The following EPHB1 variants were observed in gnomAD, a reference collection of about 807,000 sequenced individuals.
EPHB1 encodes the protein ephrin type-B receptor 1.
Under a neutral mutation model 94.4 loss-of-function variants are expected in EPHB1, and 30 were observed. The observed-to-expected ratio is 0.32, with a 90% CI of 0.24 to 0.43. The LOEUF (loss-of-function observed/expected upper bound fraction) is 0.43. Among genes scored for constraint, EPHB1 ranks in the 20% least tolerant of loss-of-function variants. The probability of loss-of-function intolerance (pLI) is 1.00; values close to 1 mark genes in which losing one functional copy is unlikely to be tolerated. For synonymous variants in EPHB1, 522 were observed against 489.1 expected, an observed-to-expected ratio of 1.07 and a Z score of -0.89; for missense variants, 1,055 against 1,308.3, an observed-to-expected ratio of 0.81 and a Z score of 2.99.
intron 1 of EPHB1, among the ~76,000 whole-genome samples, chr3:134,818,860 A>C (rs1228054516): frequency 1.3e-5 from 2 of 152,166 alleles, no homozygotes; most frequent in Non-Finnish European, 2.9e-5. Flanking sequence ...GTTTCTTTCA[A>C]ATAATGACTT....
intron 1 of EPHB1, among the ~76,000 whole-genome samples, chr3:134,908,417 C>G (rs2107693081): frequency 6.6e-6 from 1 of 152,336 alleles, no homozygotes; most frequent in South Asian, 2.1e-4. Flanking sequence ...CCCTGTGCCC[C>G]CATATTATCC....
Position 135,052,909 on chromosome 3 carries a change from A to ATATATATATATATGTGTG in EPHB1, c.806-53538_806-53537insATATATATATATGTGTGT, listed in dbSNP as rs1217744067. On this transcript the variant is annotated intron_variant, in intron 3 of 15. Transcript: ENST00000398015. ...AAAAAAAATATATATATATATATAT[A>ATATATATATATATGTGTG]TGTGTGTGTGTGTGTGTGTGTGTAT... Among the ~76,000 whole-genome samples, 3 of 68,850 alleles carry ATATATATATATATGTGTG rather than the reference A, an allele frequency of 4.4e-5. 1 individual carries two copies. Among genetic ancestry groups the ATATATATATATATGTGTG allele is most frequent in the East Asian group, 7.4e-4 (2 of 2,702 alleles). The allele number at this position is 68,850 out of a possible 152,430, so 45.2% of individuals were successfully genotyped here. A position where few individuals can be genotyped will look rare whatever the true frequency, so the allele number is the denominator to read the frequency against.
At chr3:134,892,195 C>T (rs1472032970) in intron 1 of EPHB1, among the ~76,000 whole-genome samples, 1 of 152,236 alleles carries the variant, frequency 6.6e-6, no homozygotes, top group Non-Finnish European at 1.5e-5. Context: ...GCTTCCTCAA[C>T]ATGGCCTTGG....
chr3:134,941,752 G>GACACACACACACACACACACAC (rs3067391), intron 2 of EPHB1, among the ~76,000 whole-genome samples: 5 of 134,798 alleles, frequency 3.7e-5, no homozygotes, highest in African/African-American at 1.4e-4. Flanking sequence ...TATGCACACA[G>GACACACACACACACACACACAC]ACACACACAC....
intron 9 of EPHB1, among the ~76,000 whole-genome samples, chr3:135,172,855 C>T (rs1941844317): frequency 6.6e-6 from 1 of 152,178 alleles, no homozygotes; most frequent in African/African-American, 2.4e-5. Flanking sequence ...GGCTGTAAGC[C>T]AGAGACTCAA....
rs1179649804 is a variant in EPHB1 at position 134,901,149 on chromosome 3, A to G, written c.59-24667A>G. On this transcript the variant is annotated intron_variant, in intron 1 of 15. Transcript: ENST00000398015. Reference sequence around the variant, plus strand: ...TATGTACATATTTTCTTTCTTTAACATAACCACAATATTATTATCACATCT... The same window carrying G: ...TATGTACATATTTTCTTTCTTTAACGTAACCACAATATTATTATCACATCT... Among the ~76,000 whole-genome samples, 3 of 152,204 alleles carry G rather than the reference A, an allele frequency of 2.0e-5. No individual in the cohort carries two copies. The South Asian group carries it at 6.2e-4, about 32-fold the overall frequency.
intron 12 of EPHB1, among the ~76,000 whole-genome samples, chr3:135,215,239 C>T (rs1943120125): frequency 6.6e-6 from 1 of 152,090 alleles, no homozygotes; most frequent in South Asian, 2.1e-4. Flanking sequence ...TCTCGGCTCA[C>T]CGCAACCTCC....
intron 3 of EPHB1, among the ~76,000 whole-genome samples, chr3:135,022,969 T>C (rs1274496731): frequency 6.6e-6 from 1 of 152,228 alleles, no homozygotes; most frequent in East Asian, 1.9e-4. Context: ...AGTGTGTTGG[T>C]CAAGTAGAAA....
At chr3:134,818,609 C>T (rs2036316017) in intron 1 of EPHB1, among the ~76,000 whole-genome samples, 1 of 152,198 alleles carries the variant, frequency 6.6e-6, no homozygotes, top group African/African-American at 2.4e-5. Context: ...AGCTTAGCTC[C>T]CACGTATCAG....
At chr3:134,919,639 A>G (rs1023653939) in intron 1 of EPHB1, among the ~76,000 whole-genome samples, 1 of 152,200 alleles carries the variant, frequency 6.6e-6, no homozygotes, top group Non-Finnish European at 1.5e-5. Context: ...GGCATCATAC[A>G]GGAGTTCCAT....
At chr3:135,119,025 C>T (rs72977564) in intron 4 of EPHB1, among the ~76,000 whole-genome samples, 2,792 of 152,270 alleles carry the variant, frequency 0.018, 56 homozygotes, top group African/African-American at 0.045. Context: ...TCAGGCTTCT[C>T]CACACACTGG....
intron 3 of EPHB1, among the ~76,000 whole-genome samples, chr3:134,965,896 C>T (rs539442984): frequency 1.6e-4 from 24 of 152,334 alleles, no homozygotes; most frequent in Admixed American, 3.9e-4. Context: ...CCTGCATCTG[C>T]GCATCCCAGG....
intron 6 of EPHB1, among the ~76,000 whole-genome samples, 184 bp from the exon 7 acceptor site, chr3:135,161,834 T>A (rs2107697984): frequency 6.6e-6 from 1 of 152,220 alleles, no homozygotes; most frequent in South Asian, 2.1e-4. Context: ...GACCTGACCC[T>A]ACATTCCCTT....
intron 3 of EPHB1, among the ~76,000 whole-genome samples, chr3:134,957,233 C>T (rs953879042): frequency 1.3e-5 from 2 of 152,106 alleles, no homozygotes; most frequent in Admixed American, 6.5e-5. Flanking sequence ...TGATAAGTCT[C>T]GTATATGGCC....
In EPHB1 at chr3:135,257,541, G is replaced by A. The variant is rs191765252; in HGVS notation, c.2847-1471G>A. ...AGTTAGGTTGCTGGGGGGGTCAGGG[G>A]TCAGGGACCCACCTGAGGAGGCAGT... On this transcript the variant is annotated intron_variant, in intron 15 of 15. Transcript: ENST00000398015. Among the ~76,000 whole-genome samples the A allele has an allele frequency of 1.1e-4, 16 of 152,224 alleles. No homozygotes were observed. In the East Asian group the frequency reaches 3.1e-3, roughly 29 times the overall value.
chr3:135,087,807 G>A (rs913241800), intron 3 of EPHB1, among the ~76,000 whole-genome samples: 1 of 152,164 alleles, frequency 6.6e-6, no homozygotes, highest in Non-Finnish European at 1.5e-5. Context: ...CCCTGCTGCT[G>A]AGCTGCCCAA....
At chr3:134,900,746 T>C (rs2038182697) in intron 1 of EPHB1, among the ~76,000 whole-genome samples, 1 of 152,008 alleles carries the variant, frequency 6.6e-6, no homozygotes, top group African/African-American at 2.4e-5. Context: ...CACAGGTGTA[T>C]GTAGGTGTGA....
intron 12 of EPHB1, among the ~76,000 whole-genome samples, chr3:135,234,637 T>G (rs902963783): frequency 6.6e-6 from 1 of 152,208 alleles, no homozygotes; most frequent in African/African-American, 2.4e-5. Context: ...GAGGTTTAAT[T>G]GACTCACAGT....
At chr3:134,899,256 C>A (rs1486033346) in intron 1 of EPHB1, among the ~76,000 whole-genome samples, 1 of 152,110 alleles carries the variant, frequency 6.6e-6, no homozygotes. Context: ...TCCTTCTCAG[C>A]TGCAGGGCTT....
Sources: allele counts gnomAD v4.1 joint callset (sites outside exome capture counted in the v4.1 genomes callset), GRCh38; gene constraint gnomAD v4.1.1; transcripts MANE v1.5; gene names NCBI Gene and HGNC (gene_info 2026-07-23, HGNC 2026-07-21).